The following GPC3 variants were observed in gnomAD, a reference collection of about 807,000 sequenced individuals.
GPC3 encodes glypican 3.
Under a neutral mutation model 34.4 loss-of-function variants are expected in GPC3, and 3 were observed. The ratio of observed to expected loss-of-function variants is 0.09; its 90% confidence interval spans 0.04 to 0.23. The LOEUF (loss-of-function observed/expected upper bound fraction) is 0.23, where lower values mean the gene tolerates loss of function less well. Among genes scored for constraint, GPC3 ranks in the 10% least tolerant of loss-of-function variants. The pLI is 1.00. For missense variants in GPC3, 351 were observed against 445.6 expected, an observed-to-expected ratio of 0.79 and a Z score of 1.91; for synonymous variants, 177 against 174.0, an observed-to-expected ratio of 1.02 and a Z score of -0.13.
chrX:133,719,955 A>C (rs1226960745), intron 3 of GPC3, among the ~76,000 whole-genome samples: 1 of 112,543 alleles, frequency 8.9e-6, no homozygotes, highest in Non-Finnish European at 1.9e-5. Flanking sequence ...CAAACATATG[A>C]AAAAATGCTC....
chrX:133,809,881 T>G lies in GPC3; in HGVS notation c.338-55705A>C, dbSNP rs763825142. 4.0e-3 allele frequency among the ~76,000 whole-genome samples: 446 copies of G among 111,763 alleles called. 1 individual carries two copies. The highest frequency in any genetic ancestry group is 0.013 in the African/African-American group (412 of 30,741). On this transcript the variant is annotated intron_variant, in intron 2 of 7. Coordinates refer to ENST00000370818, the MANE Select transcript of GPC3 (RefSeq NM_004484.4). The stretch of plus-strand genomic sequence containing the variant: ...GGTAATAAAGTTTCTAACAACAAAG[T>G]GTGTTTTCAGAACCCATCCTTTTCA...
intron 5 of GPC3, among the ~76,000 whole-genome samples, chrX:133,672,157 A>G (rs2070833158): frequency 8.9e-6 from 1 of 111,820 alleles, no homozygotes; most frequent in Non-Finnish European, 1.9e-5. Flanking sequence ...TGTAGGGAAC[A>G]GTCCCCCAGC....
At chrX:133,776,798 G>T (rs961636132) in intron 2 of GPC3, among the ~76,000 whole-genome samples, 2 of 109,712 alleles carry the variant, frequency 1.8e-5, no homozygotes, top group African/African-American at 3.3e-5. Context: ...CACAGTCCAC[G>T]AACTTTGCTC....
chrX:133,671,845 C>T (rs1319982949), intron 5 of GPC3, among the ~76,000 whole-genome samples: 1 of 111,555 alleles, frequency 9.0e-6, no homozygotes, highest in Non-Finnish European at 1.9e-5. Context: ...GTGATGTTCC[C>T]TGCCCTGTGT....
At chrX:133,752,306 C>T (rs767326898) in intron 3 of GPC3, among the ~76,000 whole-genome samples, 9 of 111,725 alleles carry the variant, frequency 8.1e-5, no homozygotes, top group East Asian at 5.6e-4. Flanking sequence ...CACATGTCCC[C>T]TGAAAATACG....
In GPC3 at chrX:133,754,055, A is replaced by C. The variant is rs775459305; in HGVS notation, c.459T>G (p.Ser153=). 46 of 1,204,464 alleles carry C rather than the reference A, an allele frequency of 3.8e-5. No individual in the cohort carries two copies. The highest frequency in any genetic ancestry group is 4.5e-5 in the Non-Finnish European group (40 of 890,607). The change falls in exon 3 of 8, where the codon TCT becomes TCG. Residue 153 remains serine (S), a synonymous_variant. Transcript: ENST00000370818. ...EFVGEFFTDV[S]LYILGSDINV... is the part of the protein sequence containing the mutation. ...TGATGTCAGAACCCAAGATGTAGAG[A>C]GACACATCTGTGAAAAATTCACCCA...
At chrX:133,844,244 T>C (rs997601232) in intron 2 of GPC3, among the ~76,000 whole-genome samples, 1 of 112,244 alleles carries the variant, frequency 8.9e-6, no homozygotes, top group Admixed American at 9.4e-5. Context: ...TTAATAAAAC[T>C]GTATACTTGA....
chrX:133,763,145 A>G, intron 2 of GPC3: 1 of 729,090 alleles, frequency 1.4e-6, no homozygotes, highest in Non-Finnish European at 2.1e-6. Flanking sequence ...GCAGCCTTTC[A>G]GGAGCCGCAG....
At chrX:133,563,579 C>G (rs1308732404) in intron 7 of GPC3, among the ~76,000 whole-genome samples, 1 of 111,880 alleles carries the variant, frequency 8.9e-6, no homozygotes, top group African/African-American at 3.2e-5. Flanking sequence ...GCATTAAGTT[C>G]CAGCAACTAT....
At position 133,551,385 on chromosome X, in the gene GPC3, T is replaced by C. The variant is rs1220757980; in HGVS notation, c.1574-15092A>G. ...TTGCCAGGAAAATACAATTATGTGC[T>C]GGCACAGGAATAAATGTAATTCTTT... On this transcript the variant is annotated intron_variant, in intron 7 of 7. Transcript: ENST00000370818. 3.6e-5 allele frequency among the ~76,000 whole-genome samples: 4 copies of C among 112,329 alleles called. No individual in the cohort carries two copies. The Admixed American group carries it at 3.8e-4, about 11-fold the overall frequency.
intron 2 of GPC3, among the ~76,000 whole-genome samples, chrX:133,776,883 T>C (rs945985637): frequency 1.5e-4 from 14 of 93,368 alleles, no homozygotes; most frequent in East Asian, 6.5e-4. Context: ...CTTTTCTTTT[T>C]TTTTTTTTTT....
chrX:133,697,286 C>T (rs748010958), intron 4 of GPC3, among the ~76,000 whole-genome samples: 6 of 111,871 alleles, frequency 5.4e-5, no homozygotes, highest in South Asian at 3.7e-4. Flanking sequence ...ACTAAAATAA[C>T]GAAAATTGGA....
At chrX:133,551,631 T>C (rs2069434756) in intron 7 of GPC3, among the ~76,000 whole-genome samples, 1 of 112,129 alleles carries the variant, frequency 8.9e-6, no homozygotes, top group Non-Finnish European at 1.9e-5. Flanking sequence ...GTTTTGAATC[T>C]TAAAAATGAT....
chrX:133,739,700 C>G (rs760498056), intron 3 of GPC3, among the ~76,000 whole-genome samples: 5 of 108,863 alleles, frequency 4.6e-5, no homozygotes, highest in African/African-American at 1.7e-4. Flanking sequence ...AAAACAAAAA[C>G]AAAAACAAAA....
In GPC3 at chrX:133,786,911, A is replaced by T. The variant is rs144670363; in HGVS notation, c.338-32735T>A. ...CAATCAAACATCTATCTTTCCTAAT[A>T]AAAAGTTCAAAGTCAAGTATTTTAT... On this transcript the variant is annotated intron_variant, in intron 2 of 7. Coordinates refer to ENST00000370818, the MANE Select transcript of GPC3 (RefSeq NM_004484.4). Among the ~76,000 whole-genome samples the T allele has an allele frequency of 6.1e-3, 681 of 111,740 alleles. 11 individuals carry two copies. The East Asian group carries it at 0.075, about 12-fold the overall frequency.
chrX:133,825,761 T>G (rs1164938144), intron 2 of GPC3, among the ~76,000 whole-genome samples: 1 of 112,146 alleles, frequency 8.9e-6, no homozygotes, highest in Non-Finnish European at 1.9e-5. Flanking sequence ...AGGTCTTACT[T>G]ATGGTTGACC....
intron 7 of GPC3, among the ~76,000 whole-genome samples, chrX:133,544,747 G>T (rs2069368187): frequency 9.0e-6 from 1 of 111,593 alleles, no homozygotes; most frequent in Admixed American, 9.5e-5. Context: ...GCCCAGGCTG[G>T]TCTTAAACTC....
chrX:133,579,622 C>T, intron 7 of GPC3, among the ~76,000 whole-genome samples: 1 of 112,124 alleles, frequency 8.9e-6, no homozygotes. Flanking sequence ...TAGCTCACTG[C>T]ACCCTTAACC....
At chrX:133,673,208 G>A (rs1220961482) in intron 5 of GPC3, among the ~76,000 whole-genome samples, 1 of 112,576 alleles carries the variant, frequency 8.9e-6, no homozygotes, top group Non-Finnish European at 1.9e-5. Context: ...AAAGTGCTGG[G>A]ATTACAGGCG....
Sources: allele counts gnomAD v4.1 joint callset (sites outside exome capture counted in the v4.1 genomes callset), GRCh38; gene constraint gnomAD v4.1.1; transcripts MANE v1.5; gene names NCBI Gene and HGNC (gene_info 2026-07-23, HGNC 2026-07-21).